Variants in PAPPA2 observed in about 807,000 individuals in gnomAD.
PAPPA2 encodes the protein pappalysin 2, also known as pappalysin-2.
PAPPA2 carries 86 observed loss-of-function variants against 176.4 expected under a neutral mutation model. That is an observed-to-expected ratio of 0.49 (90% CI 0.41 to 0.58). PAPPA2 has a LOEUF of 0.58. PAPPA2 is among the 20% of genes least tolerant of loss of function. The probability of loss-of-function intolerance (pLI) is 0.00; values close to 1 mark genes in which losing one functional copy is unlikely to be tolerated. For synonymous variants in PAPPA2, 809 were observed against 852.2 expected (o/e 0.95, Z 0.88); for missense variants, 2,073 against 2,256.9 (o/e 0.92, Z 1.65).
intron 12 of PAPPA2, among the ~76,000 whole-genome samples, chr1:176,721,983 T>C (rs1470572234): frequency 6.6e-6 from 1 of 152,170 alleles, no homozygotes; most frequent in Admixed American, 6.5e-5. Context: ...TATCTTCTGT[T>C]TCAATAATCC....
At chr1:176,656,455 T>C (rs1455820615) in intron 3 of PAPPA2, among the ~76,000 whole-genome samples, 3 of 151,822 alleles carry the variant, frequency 2.0e-5, no homozygotes, top group Non-Finnish European at 4.4e-5. Flanking sequence ...GCAGAGCAGA[T>C]TCTTGGCAAA....
At chr1:176,796,507 TTG>T (rs1665430876) in intron 20 of PAPPA2, among the ~76,000 whole-genome samples, 2 of 152,222 alleles carry the variant, frequency 1.3e-5, no homozygotes, top group South Asian at 2.1e-4. Flanking sequence ...TTCTTGAGTT[TTG>T]TGACCTTTAA....
chr1:176,760,114 C>A (rs913283941), intron 14 of PAPPA2, among the ~76,000 whole-genome samples: 4 of 152,122 alleles, frequency 2.6e-5, no homozygotes, highest in Non-Finnish European at 5.9e-5. Flanking sequence ...ACATCTCTTG[C>A]CTTTCCAAAT....
chr1:176,669,752 G>A (rs1165883943), intron 3 of PAPPA2, among the ~76,000 whole-genome samples: 2 of 151,958 alleles, frequency 1.3e-5, no homozygotes, highest in African/African-American at 4.8e-5. Context: ...AACAATCTTT[G>A]GGATCGCCCT....
At chr1:176,746,942 C>T (rs1558558666) in intron 14 of PAPPA2, among the ~76,000 whole-genome samples, 2 of 152,122 alleles carry the variant, frequency 1.3e-5, no homozygotes, top group African/African-American at 2.4e-5. Context: ...AAGAGATAGA[C>T]TGTTGTTCAA....
intron 22 of PAPPA2, among the ~76,000 whole-genome samples, chr1:176,840,701 C>T (rs1667455885): frequency 6.6e-6 from 1 of 152,094 alleles, no homozygotes; most frequent in Non-Finnish European, 1.5e-5. Flanking sequence ...TAAATGGCTG[C>T]CACCAGCCAC....
chr1:176,603,464 G>C (rs1424482808), intron 3 of PAPPA2, among the ~76,000 whole-genome samples: 1 of 152,164 alleles, frequency 6.6e-6, no homozygotes, highest in African/African-American at 2.4e-5. Flanking sequence ...GTGGCCGTCA[G>C]GGGTTTTTCT....
chr1:176,779,517 CACAGAGAGAG>C (rs1222333661), intron 17 of PAPPA2, among the ~76,000 whole-genome samples: 3 of 109,738 alleles, frequency 2.7e-5, no homozygotes, highest in African/African-American at 8.6e-5. Flanking sequence ...CACACACACA[CACAGAGAGAG>C]AGAGAGAGAG....
intron 21 of PAPPA2, among the ~76,000 whole-genome samples, chr1:176,811,728 T>C (rs1351855854): frequency 6.6e-6 from 1 of 152,186 alleles, no homozygotes; most frequent in Admixed American, 6.5e-5. Flanking sequence ...GCCAGTTTTG[T>C]GCAATATCTG....
intron 1 of PAPPA2, among the ~76,000 whole-genome samples, chr1:176,511,462 C>A (rs2102523846): frequency 6.6e-6 from 1 of 152,248 alleles, no homozygotes; most frequent in Non-Finnish European, 1.5e-5. Flanking sequence ...GGACTGTGAA[C>A]AAGTCAAGGA....
In PAPPA2 at chr1:176,771,144, A is replaced by G. The variant is rs1286801935; in HGVS notation, c.4679A>G (p.Tyr1560Cys). The change falls in exon 17 of 23, where the codon TAC (tyrosine) becomes TGC (cysteine). Residue 1560 changes from tyrosine to cysteine, a missense_variant. Physicochemically the swap from Tyr to Cys is radical, Grantham distance 194. Transcript: ENST00000367662. ...TICKYECKPGYYVAESAEGKV... is the reference protein window; with the variant it reads ...TICKYECKPGCYVAESAEGKV... ...TGCAAATATGAATGCAAACCAGGGT[A>G]CTATGTGGCAGAAAGTGCAGAGGGT... is the stretch of plus-strand genomic sequence containing the variant. 1.9e-6 allele frequency: 3 copies of G among 1,614,068 alleles called. No individual in the cohort carries two copies. Among genetic ancestry groups the G allele is most frequent in the Non-Finnish European group, 2.5e-6 (3 of 1,180,032 alleles).
In PAPPA2 at chr1:176,520,017, C is replaced by T. The variant is rs1649126281; in HGVS notation, c.-916-35390C>T. 2.6e-5 allele frequency among the ~76,000 whole-genome samples: 4 copies of T among 152,146 alleles called. No homozygotes were observed. The South Asian group carries it at 8.3e-4, about 32-fold the overall frequency. The stretch of plus-strand genomic sequence containing the variant: ...TTGGCTCAATTTGTTTAATCAGGGA[C>T]AGTCCTTGGGGCAAAGTCTTAGAAG... On this transcript the variant is annotated intron_variant, in intron 1 of 22. Coordinates refer to ENST00000367662, the MANE Select transcript of PAPPA2 (RefSeq NM_020318.3).
At chr1:176,489,955 G>A (rs939528249) in intron 1 of PAPPA2, among the ~76,000 whole-genome samples, 1 of 152,146 alleles carries the variant, frequency 6.6e-6, no homozygotes, top group Non-Finnish European at 1.5e-5. Context: ...GATTGGTTTA[G>A]GTGAATTTGT....
chr1:176,645,583 T>C (rs1388471364), intron 3 of PAPPA2, among the ~76,000 whole-genome samples: 2 of 151,790 alleles, frequency 1.3e-5, no homozygotes, highest in Non-Finnish European at 2.9e-5. Flanking sequence ...ATTATATTGA[T>C]TTCTTTTCTT....
intron 1 of PAPPA2, among the ~76,000 whole-genome samples, chr1:176,502,200 A>T (rs534192844): frequency 6.6e-6 from 1 of 152,218 alleles, no homozygotes; most frequent in African/African-American, 2.4e-5. Context: ...TCAGAATCTA[A>T]CAAACAATTT....
chr1:176,817,787 G>A (rs577717873), intron 21 of PAPPA2, among the ~76,000 whole-genome samples: 12 of 152,136 alleles, frequency 7.9e-5, no homozygotes, highest in South Asian at 2.1e-4. Context: ...AAGATAATGG[G>A]CTTGGCTTTA....
Position 176,556,657 on chromosome 1 carries a change from C to T in PAPPA2, c.335C>T (p.Thr112Ile), listed in dbSNP as rs1651316380. Reference protein sequence around the residue: ...NAVSLVPPDLTENPAGLRGAV... With the variant: ...NAVSLVPPDLIENPAGLRGAV... ...GTGAGCCTTGTTCCCCCAGACCTGACTGAAAATCCAGCAGGACTGAGGGGT... is the reference window on the plus strand; with the variant it reads ...GTGAGCCTTGTTCCCCCAGACCTGATTGAAAATCCAGCAGGACTGAGGGGT... The change falls in exon 2 of 23, where the codon ACT (threonine) becomes ATT (isoleucine). Residue 112 changes from threonine to isoleucine, a missense_variant. By Grantham distance (89) the Thr-to-Ile change is moderately conservative. Around this residue, in one of 4 missense-constraint regions of PAPPA2, gnomAD observed 1,196 missense variants for 1,330.4 expected, o/e 0.90. Coordinates refer to ENST00000367662, the MANE Select transcript of PAPPA2 (RefSeq NM_020318.3). 2.5e-6 allele frequency: 4 copies of T among 1,614,182 alleles called. No homozygotes were observed. The highest frequency in any genetic ancestry group is 3.4e-6 in the Non-Finnish European group (4 of 1,180,032).
rs1050613613 is a variant in PAPPA2, at chr1:176,739,732, CCGA to C, written c.3906_3908del (p.Asp1303del). The C allele has an allele frequency of 1.2e-5, 20 of 1,613,546 alleles. No homozygotes were observed. In the Admixed American group the frequency reaches 1.7e-4, roughly 13 times the overall value. ...CAGCCGACAGTGACTCTCTACCTGA[CCGA>C]TGTCCGTGGAAGCAACCACTCTCTT... On this transcript the variant is annotated inframe_deletion, in exon 13 of 23. Coordinates refer to ENST00000367662, the MANE Select transcript of PAPPA2 (RefSeq NM_020318.3).
chr1:176,715,413 C>G (rs966453263), intron 12 of PAPPA2, among the ~76,000 whole-genome samples: 2 of 152,134 alleles, frequency 1.3e-5, no homozygotes, highest in Non-Finnish European at 1.5e-5. Flanking sequence ...TTGACCACCC[C>G]CACTGGAGCA....
Sources: allele counts gnomAD v4.1 joint callset (sites outside exome capture counted in the v4.1 genomes callset), GRCh38; gene constraint gnomAD v4.1.1; regional missense constraint gnomAD v4.1.1; transcripts MANE v1.5; gene names NCBI Gene and HGNC (gene_info 2026-07-23, HGNC 2026-07-21).